Variants in SYNPR observed in about 807,000 individuals in gnomAD.
The protein encoded by SYNPR is synaptoporin.
A neutral mutation model predicts 32.9 loss-of-function variants in SYNPR; 23 were observed. The observed-to-expected ratio is 0.70, with a 90% confidence interval of 0.50 to 0.99. SYNPR has a LOEUF of 0.99. Ranked by LOEUF, SYNPR falls within the 50% of genes least tolerant of loss-of-function variation. The probability of loss-of-function intolerance (pLI) is 0.00; values close to 1 mark genes in which losing one functional copy is unlikely to be tolerated. For synonymous variants in SYNPR, 146 were observed against 135.9 expected, an observed-to-expected ratio of 1.07 and a Z score of -0.52; for missense variants, 318 against 349.3, an observed-to-expected ratio of 0.91 and a Z score of 0.71.
intron 2 of SYNPR, among the ~76,000 whole-genome samples, chr3:63,392,274 C>G (rs986614806): frequency 3.3e-5 from 5 of 152,168 alleles, no homozygotes; most frequent in African/African-American, 1.2e-4. Flanking sequence ...AATGCTACTT[C>G]TCTCTGGTTT....
intron 2 of SYNPR, among the ~76,000 whole-genome samples, chr3:63,455,588 C>T (rs1700467124): frequency 6.6e-6 from 1 of 152,192 alleles, no homozygotes; most frequent in Middle Eastern, 3.4e-3. Flanking sequence ...AGTGGTAGTA[C>T]AAATCATTTC....
chr3:63,409,847 C>T (rs1414182511), intron 2 of SYNPR, among the ~76,000 whole-genome samples: 1 of 152,130 alleles, frequency 6.6e-6, no homozygotes, highest in Non-Finnish European at 1.5e-5. Context: ...ACATAATTTG[C>T]TTTGGTTAAT....
chr3:63,459,249 G>A (rs1490965953), intron 2 of SYNPR, among the ~76,000 whole-genome samples: 1 of 152,028 alleles, frequency 6.6e-6, no homozygotes, highest in Non-Finnish European at 1.5e-5. Context: ...TCAGTGAAAT[G>A]AGACATTTCA....
intron 4 of SYNPR, among the ~76,000 whole-genome samples, chr3:63,558,522 A>T (rs1702629485): frequency 6.6e-6 from 1 of 151,950 alleles, no homozygotes; most frequent in Non-Finnish European, 1.5e-5. Flanking sequence ...TTGCAGAGAC[A>T]AGGTTTCATC....
At chr3:63,354,202 A>G (rs1266984759) in intron 2 of SYNPR, among the ~76,000 whole-genome samples, 1 of 152,184 alleles carries the variant, frequency 6.6e-6, no homozygotes, top group Non-Finnish European at 1.5e-5. Context: ...AACAATGATC[A>G]TTTGCTATTG....
At chr3:63,554,013 TGCCCA>T in intron 3 of SYNPR, among the ~76,000 whole-genome samples, 1 of 152,344 alleles carries the variant, frequency 6.6e-6, no homozygotes, top group South Asian at 2.1e-4. Context: ...TGAGCCACCA[TGCCCA>T]GCCCTATGTC....
chr3:63,394,402 C>T (rs1393993086), intron 2 of SYNPR, among the ~76,000 whole-genome samples: 1 of 152,190 alleles, frequency 6.6e-6, no homozygotes, highest in Non-Finnish European at 1.5e-5. Flanking sequence ...GGGATTATTA[C>T]TAGAAAAATC....
At chr3:63,518,965 C>G (rs1701852926) in intron 3 of SYNPR, among the ~76,000 whole-genome samples, 1 of 152,160 alleles carries the variant, frequency 6.6e-6, no homozygotes, top group Non-Finnish European at 1.5e-5. Flanking sequence ...GGGTTTTTAA[C>G]ATCAAGGGAT....
At chr3:63,316,253 T>C (rs2087042312) in intron 2 of SYNPR, among the ~76,000 whole-genome samples, 1 of 152,180 alleles carries the variant, frequency 6.6e-6, no homozygotes, top group African/African-American at 2.4e-5. Flanking sequence ...CTTCATAAAA[T>C]GAATTTGGGA....
intron 3 of SYNPR, among the ~76,000 whole-genome samples, chr3:63,532,758 C>G (rs887609810): frequency 6.6e-6 from 1 of 152,228 alleles, no homozygotes; most frequent in Middle Eastern, 3.2e-3. Context: ...CGCTTAGGCA[C>G]AGACGTGCAA....
chr3:63,586,811 C>T (rs1386802526), intron 4 of SYNPR, among the ~76,000 whole-genome samples: 2 of 151,806 alleles, frequency 1.3e-5, no homozygotes, highest in African/African-American at 2.4e-5. Flanking sequence ...GTGCTTTTTG[C>T]AATGTAGCAA....
intron 2 of SYNPR, among the ~76,000 whole-genome samples, chr3:63,315,756 C>G (rs1213206244): frequency 6.6e-6 from 1 of 151,982 alleles, no homozygotes; most frequent in Non-Finnish European, 1.5e-5. Flanking sequence ...ATTGCTCTGG[C>G]TAGGACTTGC....
intron 2 of SYNPR, among the ~76,000 whole-genome samples, chr3:63,480,270 A>C (rs767468687): frequency 5.9e-5 from 9 of 152,202 alleles, no homozygotes; most frequent in Non-Finnish European, 1.2e-4. Context: ...TGAAAGTTGG[A>C]AGCTGAAATA....
At chr3:63,336,519 C>CAAAAAAAAAA (rs3082131) in intron 2 of SYNPR, among the ~76,000 whole-genome samples, 13 of 48,840 alleles carry the variant, frequency 2.7e-4, no homozygotes, top group Non-Finnish European at 3.1e-4. Flanking sequence ...CATTCCCATG[C>CAAAAAAAAAA]AAAAAAAAAA....
chr3:63,330,923 C>T (rs182519636), intron 2 of SYNPR, among the ~76,000 whole-genome samples: 487 of 152,154 alleles, frequency 3.2e-3, no homozygotes, highest in Non-Finnish European at 5.6e-3. Context: ...AAAGTTTCTA[C>T]GATGAAACTG....
chr3:63,561,367 C>A (rs1207560442), intron 4 of SYNPR: 1 of 152,148 alleles, frequency 6.6e-6, no homozygotes, highest in Admixed American at 6.5e-5. Context: ...AGAGCAGTTA[C>A]CAACTCTCTC....
intron 2 of SYNPR, among the ~76,000 whole-genome samples, chr3:63,346,983 G>A (rs185743986): frequency 2.6e-5 from 4 of 152,160 alleles, no homozygotes; most frequent in East Asian, 1.9e-4. Flanking sequence ...ACAGTCTTTC[G>A]TGCAGCCATA....
intron 3 of SYNPR, among the ~76,000 whole-genome samples, chr3:63,499,918 C>G (rs1436869679): frequency 6.6e-6 from 1 of 151,746 alleles, no homozygotes; most frequent in Non-Finnish European, 1.5e-5. Flanking sequence ...CACACACACA[C>G]ACAAAAACTG....
chr3:63,315,809 C>G (rs2087034630), intron 2 of SYNPR, among the ~76,000 whole-genome samples: 1 of 151,996 alleles, frequency 6.6e-6, no homozygotes, highest in Admixed American at 6.6e-5. Flanking sequence ...GCATCCTTGT[C>G]TTATTCCAGT....
Sources: gnomAD v4.1 joint callset for allele counts (sites outside exome capture counted in the v4.1 genomes callset) on GRCh38, gnomAD v4.1.1 for gene constraint, MANE v1.5 for transcripts, NCBI Gene and HGNC (gene_info 2026-07-23, HGNC 2026-07-21) for gene names.